Variants in DIP2B observed in about 807,000 individuals in gnomAD.
The protein encoded by DIP2B is DIP2 acetate--CoA ligase B (putative).
A neutral mutation model predicts 198.0 loss-of-function variants in DIP2B; 76 were observed. The ratio of observed to expected loss-of-function variants is 0.38; its 90% confidence interval spans 0.32 to 0.46. DIP2B has a LOEUF of 0.46. Ranked by LOEUF, DIP2B falls within the 20% of genes least tolerant of loss-of-function variation. The probability of loss-of-function intolerance (pLI) is 0.99; values close to 1 mark genes in which losing one functional copy is unlikely to be tolerated. For missense variants in DIP2B, 1,559 were observed against 1,978.4 expected, an observed-to-expected ratio of 0.79 and a Z score of 4.02; for synonymous variants, 701 against 739.1, an observed-to-expected ratio of 0.95 and a Z score of 0.84.
chr12:50,625,464 G>A (rs1287442762), intron 1 of DIP2B, among the ~76,000 whole-genome samples: 1 of 152,188 alleles, frequency 6.6e-6, no homozygotes, highest in Non-Finnish European at 1.5e-5. Flanking sequence ...GGGGATGTGG[G>A]AATTCCAGTC....
At chr12:50,563,532 C>T (rs1267726667) in intron 1 of DIP2B, among the ~76,000 whole-genome samples, 1 of 136,416 alleles carries the variant, frequency 7.3e-6, no homozygotes, top group East Asian at 2.3e-4. Flanking sequence ...TGCTCTATTG[C>T]TCAGGCTGAG....
intron 35 of DIP2B, among the ~76,000 whole-genome samples, chr12:50,738,483 C>T (rs1370897121): frequency 6.6e-6 from 1 of 152,004 alleles, no homozygotes; most frequent in East Asian, 1.9e-4. Flanking sequence ...ATCTCTACTT[C>T]GAAAAATTTT....
chr12:50,568,987 G>A (rs756856450), intron 1 of DIP2B, among the ~76,000 whole-genome samples: 7 of 149,922 alleles, frequency 4.7e-5, no homozygotes, highest in South Asian at 2.1e-4. Context: ...TTCCCTAGTC[G>A]TGCTTCCCTC....
rs559910706 is a variant in DIP2B at position 50,686,770 on chromosome 12, C to G, written c.1551+88C>G. 4 of 1,248,490 alleles carry G rather than the reference C, an allele frequency of 3.2e-6. No homozygotes were observed. In the South Asian group the frequency reaches 5.8e-5, roughly 18 times the overall value. 77.3% of individuals were successfully genotyped at this position (1,248,490 alleles called of 1,614,324 possible). A position where few individuals can be genotyped will look rare whatever the true frequency, so the allele number is the denominator to read the frequency against. On this transcript the variant is annotated intron_variant, in intron 12 of 37. Transcript: ENST00000301180. ...AAAATATAAAACTGAATTTTTGCAACGTTAATGTTAGAAGATCCTCCTGCT... is the reference window on the plus strand; with the variant it reads ...AAAATATAAAACTGAATTTTTGCAAGGTTAATGTTAGAAGATCCTCCTGCT...
intron 2 of DIP2B, among the ~76,000 whole-genome samples, chr12:50,636,633 G>A (rs1472168815): frequency 6.6e-6 from 1 of 152,158 alleles, no homozygotes; most frequent in Non-Finnish European, 1.5e-5. Context: ...CATCTCACAG[G>A]GTGCTGCTGA....
intron 12 of DIP2B, among the ~76,000 whole-genome samples, chr12:50,688,007 T>C (rs900967253): frequency 6.6e-6 from 1 of 151,624 alleles, no homozygotes; most frequent in African/African-American, 2.4e-5. Context: ...GGTCAGGAGT[T>C]CGAGACCAGA....
intron 1 of DIP2B, among the ~76,000 whole-genome samples, chr12:50,605,821 CT>C: frequency 6.6e-6 from 1 of 151,844 alleles, no homozygotes; most frequent in African/African-American, 2.4e-5. Context: ...TCTGCCTTTT[CT>C]TTTCTTTCGT....
chr12:50,521,363 C>G (rs1321560023), intron 1 of DIP2B, among the ~76,000 whole-genome samples: 1 of 151,962 alleles, frequency 6.6e-6, no homozygotes, highest in Admixed American at 6.6e-5. Flanking sequence ...CCTCAGCCTC[C>G]CAAAGTGCTG....
chr12:50,652,398 G>A lies in DIP2B; in HGVS notation c.302-7796G>A, dbSNP rs202007130. 2.7e-5 allele frequency among the ~76,000 whole-genome samples: 4 copies of A among 150,800 alleles called. No homozygotes were observed. The East Asian group carries it at 7.8e-4, about 29-fold the overall frequency. Reference sequence around the variant, plus strand: ...ACACACACACACAAATTAGCTGGACGTGGTGGCACGTGCCCATAGTCCCAG... The same window carrying A: ...ACACACACACACAAATTAGCTGGACATGGTGGCACGTGCCCATAGTCCCAG... On this transcript the variant is annotated intron_variant, in intron 3 of 37. Transcript: ENST00000301180.
intron 1 of DIP2B, among the ~76,000 whole-genome samples, chr12:50,526,362 C>T (rs1252419454): frequency 1.3e-5 from 2 of 152,210 alleles, no homozygotes; most frequent in South Asian, 2.1e-4. Context: ...ATTTTCCTCA[C>T]TATATACCCT....
intron 1 of DIP2B, among the ~76,000 whole-genome samples, chr12:50,511,028 C>G (rs1351762033): frequency 6.6e-6 from 1 of 151,076 alleles, no homozygotes; most frequent in Non-Finnish European, 1.5e-5. Context: ...TCACTGCAAC[C>G]TCTGCCTCCT....
intron 28 of DIP2B, 44 bp from the exon 29 acceptor site, chr12:50,727,659 T>C (rs1371538792): frequency 1.3e-6 from 2 of 1,545,634 alleles, no homozygotes; most frequent in Non-Finnish European, 1.8e-6. Context: ...ATTTTCATGT[T>C]CCAGCATGTT....
At chr12:50,723,434 C>A in intron 27 of DIP2B, 111 bp downstream of exon 27, 1 of 1,434,800 alleles carries the variant, frequency 7.0e-7, no homozygotes. Context: ...TCAAATTTGT[C>A]TTCTGGAGAC....
intron 1 of DIP2B, among the ~76,000 whole-genome samples, chr12:50,593,539 A>G (rs1212481845): frequency 1.3e-5 from 2 of 151,556 alleles, no homozygotes; most frequent in Middle Eastern, 3.4e-3. Flanking sequence ...AAAGCAGTCC[A>G]TTAAGGATAT....
chr12:50,511,753 T>C (rs1025069449), intron 1 of DIP2B, among the ~76,000 whole-genome samples: 1 of 151,518 alleles, frequency 6.6e-6, no homozygotes, highest in African/African-American at 2.4e-5. Flanking sequence ...ATCAAGACCA[T>C]CCTGGCCAAC....
intron 1 of DIP2B, among the ~76,000 whole-genome samples, chr12:50,550,748 C>T (rs760297382): frequency 1.3e-5 from 2 of 152,154 alleles, no homozygotes; most frequent in African/African-American, 4.8e-5. Context: ...GCAGATACTG[C>T]GGACATAAAT....
chr12:50,589,531 A>T (rs186683028), intron 1 of DIP2B, among the ~76,000 whole-genome samples: 1 of 152,278 alleles, frequency 6.6e-6, no homozygotes, highest in Non-Finnish European at 1.5e-5. Context: ...TGAAGAGGTG[A>T]CATTTGAGCT....
intron 4 of DIP2B, among the ~76,000 whole-genome samples, chr12:50,666,530 C>T (rs1400614383): frequency 6.6e-6 from 1 of 152,096 alleles, no homozygotes; most frequent in South Asian, 2.1e-4. Context: ...GAATGATGAA[C>T]ACTGAAAAAT....
rs71086464 is a variant in DIP2B at position 50,602,857 on chromosome 12, CAAAAAAAAAAA to C, written c.101-23106_101-23096del. 1.4e-3 allele frequency among the ~76,000 whole-genome samples: 128 copies of C among 91,498 alleles called. 2 individuals are homozygous for C. Among genetic ancestry groups the C allele is most frequent in the Admixed American group, 3.1e-3 (24 of 7,646 alleles). The allele number at this position is 91,498 out of a possible 152,430, so 60.0% of individuals were successfully genotyped here. A position where few individuals can be genotyped will look rare whatever the true frequency, so the allele number is the denominator to read the frequency against. On this transcript the variant is annotated intron_variant, in intron 1 of 37. Transcript: ENST00000301180. ...CTGGCAACAGAGTGAGACTCTGTCT[CAAAAAAAAAAA>C]AAAAAAAAAAAATTGGCGGGGCGCG...
Sources: allele counts gnomAD v4.1 joint callset (sites outside exome capture counted in the v4.1 genomes callset), GRCh38; gene constraint gnomAD v4.1.1; transcripts MANE v1.5; gene names NCBI Gene and HGNC (gene_info 2026-07-23, HGNC 2026-07-21).